The following CCSER1 variants were observed in gnomAD, a reference collection of about 807,000 sequenced individuals.
The protein encoded by CCSER1 is serine-rich coiled-coil domain-containing protein 1.
A neutral mutation model predicts 82.0 loss-of-function variants in CCSER1; 41 were observed. That is an observed-to-expected ratio of 0.50 (90% confidence interval 0.39 to 0.65). The LOEUF (loss-of-function observed/expected upper bound fraction) is 0.65. Among genes scored for constraint, CCSER1 ranks in the 30% least tolerant of loss-of-function variants. CCSER1 has a pLI of 0.00. For synonymous variants in CCSER1, 414 were observed against 383.9 expected (o/e 1.08, Z -0.92); for missense variants, 1,119 against 1,064.2 (o/e 1.05, Z -0.72).
At chr4:90,862,312 T>C (rs1765206321) in intron 8 of CCSER1, among the ~76,000 whole-genome samples, 1 of 151,898 alleles carries the variant, frequency 6.6e-6, no homozygotes, top group Non-Finnish European at 1.5e-5. Flanking sequence ...TAAATAATTA[T>C]GTACGTTAGA....
intron 3 of CCSER1, among the ~76,000 whole-genome samples, chr4:90,331,637 A>C (rs1036106606): frequency 6.6e-6 from 1 of 152,182 alleles, no homozygotes; most frequent in African/African-American, 2.4e-5. Flanking sequence ...TAATCAATCA[A>C]ATGGTGAACA....
chr4:90,168,369 A>G (rs1578292506), intron 1 of CCSER1, among the ~76,000 whole-genome samples: 1 of 151,828 alleles, frequency 6.6e-6, no homozygotes, highest in African/African-American at 2.4e-5. Context: ...TAGATTCTGG[A>G]TATTAGCCCT....
intron 1 of CCSER1, among the ~76,000 whole-genome samples, chr4:90,206,338 G>C (rs1578486412): frequency 6.6e-6 from 1 of 152,110 alleles, no homozygotes; most frequent in African/African-American, 2.4e-5. Context: ...GGCATTTACT[G>C]CTATAAATTT....
intron 5 of CCSER1, among the ~76,000 whole-genome samples, chr4:90,599,737 A>G (rs949134646): frequency 6.6e-6 from 1 of 152,110 alleles, no homozygotes; most frequent in African/African-American, 2.4e-5. Context: ...TTAGTTACTC[A>G]GGTCAAAATG....
intron 9 of CCSER1, among the ~76,000 whole-genome samples, chr4:90,984,631 C>A (rs1736421547): frequency 1.3e-5 from 2 of 151,680 alleles, no homozygotes; most frequent in Admixed American, 1.3e-4. Context: ...TAATCAGGAT[C>A]TCTTTTAATG....
intron 10 of CCSER1, among the ~76,000 whole-genome samples, chr4:91,304,748 G>A (rs192634648): frequency 5.3e-5 from 8 of 152,032 alleles, no homozygotes; most frequent in African/African-American, 1.2e-4. Flanking sequence ...TACAATCCCC[G>A]AATGTTAATG....
chr4:90,385,076 G>A (rs1014075580), intron 3 of CCSER1, among the ~76,000 whole-genome samples: 1 of 152,074 alleles, frequency 6.6e-6, no homozygotes, highest in Admixed American at 6.5e-5. Flanking sequence ...TCTTTTTTAT[G>A]GATGAGTAGT....
intron 4 of CCSER1, among the ~76,000 whole-genome samples, chr4:90,426,335 T>C (rs1757526483): frequency 6.6e-6 from 1 of 152,198 alleles, no homozygotes; most frequent in African/African-American, 2.4e-5. Flanking sequence ...GAAGAAAGTA[T>C]AATACTAGGC....
At chr4:91,408,107 T>TACA (rs1752808446) in intron 10 of CCSER1, among the ~76,000 whole-genome samples, 3 of 151,986 alleles carry the variant, frequency 2.0e-5, no homozygotes, top group African/African-American at 7.2e-5. Context: ...ATGTCTAGAG[T>TACA]ACAACAGCCT....
chr4:90,468,842 TC>T (rs1465021197), intron 5 of CCSER1, among the ~76,000 whole-genome samples: 1 of 152,132 alleles, frequency 6.6e-6, no homozygotes, highest in Non-Finnish European at 1.5e-5. Flanking sequence ...TTTAAACAGT[TC>T]AAGCTTTAAT....
chr4:91,448,747 T>C (rs1755711145), intron 10 of CCSER1, among the ~76,000 whole-genome samples: 1 of 152,144 alleles, frequency 6.6e-6, no homozygotes, highest in South Asian at 2.1e-4. Flanking sequence ...TCTTGTGTGC[T>C]TAATTAATTT....
intron 1 of CCSER1, among the ~76,000 whole-genome samples, chr4:90,250,619 G>A (rs1046987053): frequency 6.6e-6 from 1 of 152,050 alleles, no homozygotes; most frequent in Non-Finnish European, 1.5e-5. Flanking sequence ...CTGTAGTTTG[G>A]TAGTAAGTTT....
chr4:91,162,079 A>G (rs938794246), intron 10 of CCSER1, among the ~76,000 whole-genome samples: 1 of 152,052 alleles, frequency 6.6e-6, no homozygotes, highest in Non-Finnish European at 1.5e-5. Context: ...TTTGTCATAA[A>G]TATCTCTTAT....
At chr4:90,502,221 A>G (rs1769998062) in intron 5 of CCSER1, among the ~76,000 whole-genome samples, 1 of 152,068 alleles carries the variant, frequency 6.6e-6, no homozygotes, top group South Asian at 2.1e-4. Flanking sequence ...GGCTAGGGAG[A>G]CCTCAGGAAA....
chr4:91,300,408 G>T (rs948104966), intron 10 of CCSER1, among the ~76,000 whole-genome samples: 1 of 151,852 alleles, frequency 6.6e-6, no homozygotes, highest in East Asian at 2.0e-4. Flanking sequence ...TGTGTTCATG[G>T]CAGTGAAAAT....
At chr4:90,553,972 G>C (rs1373556776) in intron 5 of CCSER1, among the ~76,000 whole-genome samples, 2 of 152,130 alleles carry the variant, frequency 1.3e-5, no homozygotes, top group Non-Finnish European at 2.9e-5. Context: ...AGACGTACTA[G>C]GTATTATTAC....
intron 5 of CCSER1, among the ~76,000 whole-genome samples, chr4:90,609,321 G>GT (rs1275587951): frequency 6.6e-6 from 1 of 151,948 alleles, no homozygotes; most frequent in African/African-American, 2.4e-5. Flanking sequence ...TATTTGTTTT[G>GT]TGAGTTAACG....
chr4:91,482,847 A>G (rs1325367922), intron 10 of CCSER1, among the ~76,000 whole-genome samples: 4 of 152,194 alleles, frequency 2.6e-5, no homozygotes, highest in African/African-American at 9.7e-5. Context: ...CGCAAGGACA[A>G]AAAACCAAAC....
rs138702296 is a variant in CCSER1 at position 91,330,679 on chromosome 4, A to T, written c.2217+244685A>T. Among the ~76,000 whole-genome samples, 869 of 152,244 alleles carry T rather than the reference A, an allele frequency of 5.7e-3. 10 individuals are homozygous for T. The highest frequency in any genetic ancestry group is 0.02 in the African/African-American group (819 of 41,552). On this transcript the variant is annotated intron_variant, in intron 10 of 10. Transcript: ENST00000509176. ...TCCCTGTTGCAAAACAATCAAGGAG[A>T]CCAATTGCCCTGGAGAAGTAGTGGC...
Sources: allele counts gnomAD v4.1 joint callset (sites outside exome capture counted in the v4.1 genomes callset), GRCh38; gene constraint gnomAD v4.1.1; transcripts MANE v1.5; gene names NCBI Gene and HGNC (gene_info 2026-07-23, HGNC 2026-07-21).